RABGAP1L: variants seen among roughly 807,000 people sequenced by gnomAD.
RABGAP1L encodes the protein RAB GTPase activating protein 1 like.
A neutral mutation model predicts 137.7 loss-of-function variants in RABGAP1L; 63 were observed. The ratio of observed to expected loss-of-function variants is 0.46; its 90% CI spans 0.37 to 0.56. The LOEUF (loss-of-function observed/expected upper bound fraction) is 0.56. RABGAP1L is among the 20% of genes least tolerant of loss of function. The pLI, the probability that RABGAP1L is intolerant of heterozygous loss-of-function variation, is 0.00. For missense variants in RABGAP1L, 1,095 were observed against 1,244.0 expected, an observed-to-expected ratio of 0.88 and a Z score of 1.80; for synonymous variants, 431 against 433.7, an observed-to-expected ratio of 0.99 and a Z score of 0.08.
chr1:174,563,022 G>A (rs138411324), intron 13 of RABGAP1L, among the ~76,000 whole-genome samples: 1 of 152,094 alleles, frequency 6.6e-6, no homozygotes, highest in East Asian at 1.9e-4. Flanking sequence ...AAATAAAAAT[G>A]AAGTTTGATA....
chr1:174,912,403 A>G (rs868436701), intron 19 of RABGAP1L, among the ~76,000 whole-genome samples: 3 of 152,312 alleles, frequency 2.0e-5, no homozygotes, highest in African/African-American at 4.8e-5. Flanking sequence ...TTGGCCTCCT[A>G]AAGTGCTGGG....
At chr1:174,276,001 T>A in intron 9 of RABGAP1L, 66 bp downstream of exon 9, 1 of 1,355,532 alleles carries the variant, frequency 7.4e-7, no homozygotes. Flanking sequence ...ATGTTGCTTG[T>A]CATGTTTTAA....
At chr1:174,524,183 ATTGTTG>A (rs757046562) in intron 13 of RABGAP1L, among the ~76,000 whole-genome samples, 2 of 151,692 alleles carry the variant, frequency 1.3e-5, no homozygotes, top group Admixed American at 6.6e-5. Flanking sequence ...TGGTAGTTCT[ATTGTTG>A]TTGTTGTTGT....
intron 17 of RABGAP1L, among the ~76,000 whole-genome samples, chr1:174,738,789 A>T (rs1293820656): frequency 6.6e-6 from 1 of 152,216 alleles, no homozygotes; most frequent in Non-Finnish European, 1.5e-5. Context: ...GTTTAATATT[A>T]GGTTCAATAT....
At chr1:174,697,157 TGCCAAAAG>T (rs1679318469) in intron 15 of RABGAP1L, among the ~76,000 whole-genome samples, 1 of 152,202 alleles carries the variant, frequency 6.6e-6, no homozygotes, top group Non-Finnish European at 1.5e-5. Flanking sequence ...TATGTATGAA[TGCCAAAAG>T]GCACATAAAC....
chr1:174,795,417 T>TA (rs1688174558), intron 18 of RABGAP1L, among the ~76,000 whole-genome samples: 5 of 152,136 alleles, frequency 3.3e-5, no homozygotes, highest in Admixed American at 2.6e-4. Context: ...AAACAAACCT[T>TA]ATTAACTAGT....
intron 13 of RABGAP1L, among the ~76,000 whole-genome samples, chr1:174,410,315 A>G (rs1649776569): frequency 6.6e-6 from 1 of 152,138 alleles, no homozygotes; most frequent in African/African-American, 2.4e-5. Context: ...GGTGTTCCCT[A>G]GGTTTTCTTC....
intron 10 of RABGAP1L, among the ~76,000 whole-genome samples, chr1:174,299,077 G>A (rs543499342): frequency 6.6e-6 from 1 of 152,362 alleles, no homozygotes; most frequent in Non-Finnish European, 1.5e-5. Flanking sequence ...ATAGGACTGA[G>A]TGGTTTGCAA....
intron 13 of RABGAP1L, chr1:174,545,653 T>G (rs936687432): frequency 6.5e-6 from 1 of 154,018 alleles, no homozygotes; most frequent in Admixed American, 6.5e-5. Context: ...AGAAATCACC[T>G]GTCTTCTGCG....
Position 174,784,089 on chromosome 1 carries a change from G to T in RABGAP1L, c.2212-27743G>T, listed in dbSNP as rs917488744. 4.6e-5 allele frequency among the ~76,000 whole-genome samples: 6 copies of T among 131,714 alleles called. No individual in the cohort carries two copies. In the South Asian group the frequency reaches 1.5e-3, roughly 33 times the overall value. 86.4% of individuals were successfully genotyped at this position (131,714 alleles called of 152,430 possible). A position where few individuals can be genotyped will look rare whatever the true frequency, so the allele number is the denominator to read the frequency against. ...GGCTGGAGTGCAGTGGTGCGATCTC[G>T]GCTCGCTACAAGCTCCGCCTCCCGG... On this transcript the variant is annotated intron_variant, in intron 18 of 25. Coordinates refer to ENST00000681986, the MANE Select transcript of RABGAP1L (RefSeq NM_001366446.1).
chr1:174,782,262 TC>T (rs1187095328), intron 18 of RABGAP1L, among the ~76,000 whole-genome samples: 6 of 152,202 alleles, frequency 3.9e-5, no homozygotes, highest in African/African-American at 1.4e-4. Flanking sequence ...TTTGCAGTTC[TC>T]CTTGAAGAGG....
chr1:174,805,987 A>G (rs1689260223), intron 18 of RABGAP1L, among the ~76,000 whole-genome samples: 1 of 152,202 alleles, frequency 6.6e-6, no homozygotes, highest in Non-Finnish European at 1.5e-5. Context: ...TTGTTCTGAA[A>G]GCAATATAGA....
At chr1:174,987,576 G>A (rs1409028985) in intron 24 of RABGAP1L, among the ~76,000 whole-genome samples, 1 of 152,232 alleles carries the variant, frequency 6.6e-6, no homozygotes, top group African/African-American at 2.4e-5. Flanking sequence ...TGGCACAAAA[G>A]TGTGGTGGAG....
At chr1:174,518,030 A>G (rs1029067879) in intron 13 of RABGAP1L, among the ~76,000 whole-genome samples, 4 of 152,212 alleles carry the variant, frequency 2.6e-5, no homozygotes, top group African/African-American at 9.6e-5. Context: ...TGATATCATT[A>G]TATCAGTGGT....
chr1:174,365,067 C>T (rs1246679321), intron 11 of RABGAP1L, among the ~76,000 whole-genome samples: 8 of 152,188 alleles, frequency 5.3e-5, no homozygotes, highest in African/African-American at 1.7e-4. Context: ...GAGACACTTT[C>T]ATGCTGGGAG....
At chr1:174,288,250 A>G (rs1239514814) in intron 10 of RABGAP1L, among the ~76,000 whole-genome samples, 2 of 152,164 alleles carry the variant, frequency 1.3e-5, no homozygotes, top group Admixed American at 6.5e-5. Context: ...ACATACCACC[A>G]CAAGAATATT....
intron 13 of RABGAP1L, among the ~76,000 whole-genome samples, chr1:174,402,194 A>G (rs762258838): frequency 3.3e-5 from 5 of 152,116 alleles, no homozygotes; most frequent in Non-Finnish European, 7.4e-5. Flanking sequence ...CATTTTTACC[A>G]TCAAGAAAAC....
chr1:174,626,831 GACCGAC>G (rs1294400059), intron 13 of RABGAP1L, among the ~76,000 whole-genome samples: 8 of 152,096 alleles, frequency 5.3e-5, no homozygotes, highest in African/African-American at 1.9e-4. Context: ...GAATAAATCA[GACCGAC>G]CACTGCAAAC....
intron 1 of RABGAP1L, among the ~76,000 whole-genome samples, chr1:174,160,319 G>A (rs1407112974): frequency 6.6e-6 from 1 of 152,190 alleles, no homozygotes; most frequent in East Asian, 1.9e-4. Context: ...TGATAACTGA[G>A]TCAAAGTTTC....
Sources: gnomAD v4.1 joint callset for allele counts (sites outside exome capture counted in the v4.1 genomes callset) on GRCh38, gnomAD v4.1.1 for gene constraint, MANE v1.5 for transcripts, NCBI Gene and HGNC (gene_info 2026-07-23, HGNC 2026-07-21) for gene names.